Variants in ANKFN1 observed in about 807,000 individuals in gnomAD.
ANKFN1 encodes the protein ankyrin repeat and fibronectin type-III domain-containing protein 1.
Under a neutral mutation model 108.7 loss-of-function variants are expected in ANKFN1, and 74 were observed. That is an observed-to-expected ratio of 0.68 (90% CI 0.56 to 0.83). The LOEUF (loss-of-function observed/expected upper bound fraction) is 0.83, where lower values mean the gene tolerates loss of function less well. Among genes scored for constraint, ANKFN1 ranks in the 40% least tolerant of loss-of-function variants. The pLI is 0.00. For missense variants in ANKFN1, 1,505 were observed against 1,382.3 expected (o/e 1.09, Z -1.41); for synonymous variants, 547 against 516.2 (o/e 1.06, Z -0.81).
chr17:56,087,195 A>C (rs1905331741), intron 4 of ANKFN1, among the ~76,000 whole-genome samples: 1 of 151,068 alleles, frequency 6.6e-6, no homozygotes, highest in South Asian at 2.1e-4. Context: ...ACTTTTGACT[A>C]TTTCCCAGGT....
At chr17:56,149,157 C>T (rs558388103), upstream of ANKFN1, among the ~76,000 whole-genome samples, 42 of 152,018 alleles carry the variant, frequency 2.8e-4, no homozygotes, top group Admixed American at 9.8e-4. Context: ...TAGTCTTTTC[C>T]GGTCATGTTT....
intron 1 of ANKFN1, among the ~76,000 whole-genome samples, chr17:56,170,406 G>A (rs1480842835): frequency 6.6e-6 from 1 of 152,110 alleles, no homozygotes; most frequent in Non-Finnish European, 1.5e-5. Context: ...GGTTGCTGGA[G>A]CTAAGTGGTT....
chr17:56,281,908 A>G (rs1282604500), intron 3 of ANKFN1, among the ~76,000 whole-genome samples: 1 of 152,210 alleles, frequency 6.6e-6, no homozygotes, highest in African/African-American at 2.4e-5. Flanking sequence ...GAATCATTAC[A>G]TTGGAAAACT....
chr17:56,140,205 G>A (rs1165626803), intron 4 of ANKFN1, among the ~76,000 whole-genome samples: 4 of 152,214 alleles, frequency 2.6e-5, no homozygotes, highest in Admixed American at 6.5e-5. Context: ...AAACTTGAGA[G>A]AAGGCACTGA....
chr17:56,316,812 T>A (rs2045221727), intron 3 of ANKFN1, among the ~76,000 whole-genome samples: 1 of 152,090 alleles, frequency 6.6e-6, no homozygotes, highest in African/African-American at 2.4e-5. Context: ...AATTAAAGGA[T>A]CAAATGCTCC....
At chr17:56,179,374 T>G (rs879037805) in intron 1 of ANKFN1, among the ~76,000 whole-genome samples, 2 of 152,208 alleles carry the variant, frequency 1.3e-5, no homozygotes, top group African/African-American at 2.4e-5. Flanking sequence ...CAGTCATCAT[T>G]GCTCTTTTGG....
At chr17:56,232,328 CA>C (rs1036491893) in intron 3 of ANKFN1, among the ~76,000 whole-genome samples, 3 of 151,876 alleles carry the variant, frequency 2.0e-5, no homozygotes, top group Non-Finnish European at 4.4e-5. Flanking sequence ...AAAACAAAAA[CA>C]AAAAGAAATT....
At chr17:56,480,120 C>G (rs1419185252) in intron 16 of ANKFN1, among the ~76,000 whole-genome samples, 5 of 152,210 alleles carry the variant, frequency 3.3e-5, no homozygotes, top group African/African-American at 1.2e-4. Context: ...TGATATGCAT[C>G]CCTTGGTTCC....
intron 17 of ANKFN1, 54 bp from the exon 18 acceptor site, chr17:56,482,302 G>A: frequency 6.2e-6 from 9 of 1,457,670 alleles, no homozygotes; most frequent in Non-Finnish European, 8.2e-6. Flanking sequence ...TGTTGTTTAT[G>A]TAAGTGCCAT....
intron 3 of ANKFN1, among the ~76,000 whole-genome samples, chr17:56,259,554 T>C (rs1489174094): frequency 1.3e-5 from 2 of 151,924 alleles, no homozygotes; most frequent in Non-Finnish European, 2.9e-5. Flanking sequence ...AAGGTTGGGG[T>C]AGGGAGGTGT....
chr17:56,473,885 T>C (rs1053127173), intron 15 of ANKFN1, among the ~76,000 whole-genome samples: 1 of 152,170 alleles, frequency 6.6e-6, no homozygotes, highest in African/African-American at 2.4e-5. Context: ...ATAATCACAG[T>C]GTACTCCTAG....
intron 4 of ANKFN1, among the ~76,000 whole-genome samples, chr17:56,332,861 A>G (rs1045512389): frequency 1.2e-4 from 18 of 152,096 alleles, no homozygotes; most frequent in Admixed American, 5.2e-4. Flanking sequence ...CTACTGAAAT[A>G]AAAAGCCTGC....
At chr17:56,273,996 A>G (rs1225310947) in intron 3 of ANKFN1, among the ~76,000 whole-genome samples, 2 of 152,194 alleles carry the variant, frequency 1.3e-5, no homozygotes, top group Admixed American at 1.3e-4. Context: ...CAGGTTCCCC[A>G]AGAGCCTGGG....
At chr17:56,318,760 G>A (rs1445170198) in intron 3 of ANKFN1, among the ~76,000 whole-genome samples, 1 of 152,116 alleles carries the variant, frequency 6.6e-6, no homozygotes, top group Non-Finnish European at 1.5e-5. Flanking sequence ...GAATCTTATT[G>A]GAGTCAACGT....
intron 8 of ANKFN1, among the ~76,000 whole-genome samples, chr17:56,388,212 C>T (rs545598024): frequency 6.6e-6 from 1 of 151,776 alleles, no homozygotes; most frequent in South Asian, 2.1e-4. Flanking sequence ...GATCTTGGCT[C>T]ACTGCATCAC....
At chr17:56,314,638 G>A (rs1352191739) in intron 3 of ANKFN1, among the ~76,000 whole-genome samples, 1 of 152,110 alleles carries the variant, frequency 6.6e-6, no homozygotes, top group Non-Finnish European at 1.5e-5. Flanking sequence ...AGGTCAAGTG[G>A]CCAAAGACTG....
intron 1 of ANKFN1, among the ~76,000 whole-genome samples, chr17:56,154,473 C>T (rs1908902365): frequency 6.6e-6 from 1 of 151,986 alleles, no homozygotes; most frequent in South Asian, 2.1e-4. Flanking sequence ...TTTTCCTTTC[C>T]TTTTCTCTCT....
In ANKFN1 at chr17:56,341,058, TG is replaced by T. The variant is rs1241415451; in HGVS notation, c.189-9707del. On this transcript the variant is annotated intron_variant, in intron 4 of 20. Coordinates refer to ENST00000682825, the MANE Select transcript of ANKFN1 (RefSeq NM_001370326.1). ...GAATTCCTAGGTATTTTATTCTTTT[TG>T]TGACAGTTGTGAATGGGAGTAGATT... 2.0e-5 allele frequency among the ~76,000 whole-genome samples: 3 copies of T among 152,108 alleles called. No individual in the cohort carries two copies. The East Asian group carries it at 5.8e-4, about 29-fold the overall frequency.
intron 6 of ANKFN1, among the ~76,000 whole-genome samples, chr17:56,357,497 C>T (rs1349761016): frequency 6.6e-6 from 1 of 152,210 alleles, no homozygotes; most frequent in Non-Finnish European, 1.5e-5. Context: ...AGGGCCGTGG[C>T]CTCTGGGCCC....
Sources: allele counts gnomAD v4.1 joint callset (sites outside exome capture counted in the v4.1 genomes callset), GRCh38; gene constraint gnomAD v4.1.1; transcripts MANE v1.5; gene names NCBI Gene and HGNC (gene_info 2026-07-23, HGNC 2026-07-21).